The following PDE1A variants were observed in gnomAD, a reference collection of about 807,000 sequenced individuals.
PDE1A encodes phosphodiesterase 1A.
Under a neutral mutation model 61.7 loss-of-function variants are expected in PDE1A, and 35 were observed. That is an observed-to-expected ratio of 0.57 (90% CI 0.43 to 0.75). The LOEUF is 0.75. Among genes scored for constraint, PDE1A ranks in the 30% least tolerant of loss-of-function variants. PDE1A has a pLI of 0.00. For missense variants in PDE1A, 597 were observed against 630.6 expected (o/e 0.95, Z 0.57); for synonymous variants, 232 against 213.2 (o/e 1.09, Z -0.77).
intron 1 of PDE1A, among the ~76,000 whole-genome samples, chr2:182,327,298 C>T (rs1697108012): frequency 6.6e-6 from 1 of 152,020 alleles, no homozygotes; most frequent in Non-Finnish European, 1.5e-5. Context: ...TCATGTGATA[C>T]TGGAGTAGAG....
chr2:182,158,887 A>C (rs971557078), intron 13 of PDE1A, among the ~76,000 whole-genome samples: 1 of 152,218 alleles, frequency 6.6e-6, no homozygotes, highest in Non-Finnish European at 1.5e-5. Context: ...AAAGAACAAA[A>C]TACAGAAATT....
the PDE1A span, among the ~76,000 whole-genome samples, chr2:182,571,671 AAATAAT>A: frequency 6.6e-6 from 1 of 151,558 alleles, no homozygotes; most frequent in Admixed American, 6.6e-5. Context: ...TTATATTTAA[AAATAAT>A]AATAATAATA....
chr2:182,637,056 T>C, the PDE1A span, among the ~76,000 whole-genome samples: 12 of 152,238 alleles, frequency 7.9e-5, no homozygotes, highest in Non-Finnish European at 1.6e-4. Flanking sequence ...TAAAGGCTCA[T>C]GTAATTAAGC....
intron 13 of PDE1A, among the ~76,000 whole-genome samples, chr2:182,178,452 G>A (rs1684468759): frequency 6.6e-6 from 1 of 152,154 alleles, no homozygotes; most frequent in South Asian, 2.1e-4. Flanking sequence ...GGAGAAAAGA[G>A]TTGGAAGATT....
the PDE1A span, among the ~76,000 whole-genome samples, chr2:182,704,244 G>C: frequency 2.0e-5 from 3 of 146,926 alleles, no homozygotes; most frequent in Non-Finnish European, 4.5e-5. Context: ...AAAAACTCAA[G>C]TTTTTTAAAG....
chr2:182,678,337 C>T, the PDE1A span, among the ~76,000 whole-genome samples: 1 of 152,182 alleles, frequency 6.6e-6, no homozygotes, highest in African/African-American at 2.4e-5. Context: ...GCAGCAGAAT[C>T]GTTTGAACCT....
chr2:182,181,961 C>T (rs571291846), intron 13 of PDE1A, among the ~76,000 whole-genome samples: 1 of 152,284 alleles, frequency 6.6e-6, no homozygotes, highest in African/African-American at 2.4e-5. Flanking sequence ...TAAATTTTAA[C>T]AGTTTTATAC....
the PDE1A span, among the ~76,000 whole-genome samples, chr2:182,706,698 A>G: frequency 6.6e-6 from 1 of 152,144 alleles, no homozygotes; most frequent in Non-Finnish European, 1.5e-5. Context: ...CAAAAAACAA[A>G]TCATGGTTCC....
the PDE1A span, among the ~76,000 whole-genome samples, chr2:182,531,556 A>T: frequency 6.6e-6 from 1 of 152,196 alleles, no homozygotes; most frequent in African/African-American, 2.4e-5. Context: ...TTATGCACAT[A>T]AAAATCGAGT....
chr2:182,540,339 G>A, the PDE1A span, among the ~76,000 whole-genome samples: 1 of 147,036 alleles, frequency 6.8e-6, no homozygotes, highest in Admixed American at 6.9e-5. Context: ...CTCCAGCCTG[G>A]GCAACAGAGA....
chr2:182,463,565 G>C (rs932175626), intron 2 of PDE1A: 7 of 152,072 alleles, frequency 4.6e-5, no homozygotes, highest in Non-Finnish European at 4.4e-5. Context: ...AACAAGAATG[G>C]TTACCGTAAG....
chr2:182,152,961 A>G (rs557601271), intron 13 of PDE1A, among the ~76,000 whole-genome samples: 1 of 152,300 alleles, frequency 6.6e-6, no homozygotes, highest in African/African-American at 2.4e-5. Flanking sequence ...GAAATAGGTA[A>G]ATTATGTATT....
chr2:182,206,756 T>C (rs1311179489), intron 7 of PDE1A, among the ~76,000 whole-genome samples: 1 of 152,188 alleles, frequency 6.6e-6, no homozygotes, highest in East Asian at 1.9e-4. Context: ...TGATTGGATC[T>C]TGGGGGCAGA....
At chr2:182,176,268 C>T (rs1288757936) in intron 13 of PDE1A, among the ~76,000 whole-genome samples, 1 of 148,956 alleles carries the variant, frequency 6.7e-6, no homozygotes, top group Non-Finnish European at 1.5e-5. Flanking sequence ...CTGTAAATTA[C>T]CTTGGGCAGT....
intron 1 of PDE1A, among the ~76,000 whole-genome samples, chr2:182,376,615 G>A (rs778326285): frequency 1.3e-5 from 2 of 152,086 alleles, no homozygotes; most frequent in African/African-American, 4.8e-5. Flanking sequence ...TCCAACCTCT[G>A]CCTGTTACCC....
At chr2:182,325,244 C>T (rs1012893806) in intron 1 of PDE1A, among the ~76,000 whole-genome samples, 4 of 152,128 alleles carry the variant, frequency 2.6e-5, no homozygotes, top group Admixed American at 6.6e-5. Flanking sequence ...TACATAGATA[C>T]TTTGTCAACC....
At chr2:182,589,001 C>G in the PDE1A span, among the ~76,000 whole-genome samples, 1 of 149,976 alleles carries the variant, frequency 6.7e-6, no homozygotes, top group South Asian at 2.1e-4. Context: ...CGAGATGGCA[C>G]CATTGCACTC....
chr2:182,251,053 C>T (rs903408078), intron 2 of PDE1A, among the ~76,000 whole-genome samples: 1 of 152,144 alleles, frequency 6.6e-6, no homozygotes, highest in African/African-American at 2.4e-5. Context: ...TGACTCTTGG[C>T]TTCCCACCAG....
chr2:182,679,185 A>T, the PDE1A span, among the ~76,000 whole-genome samples: 452 of 140,946 alleles, frequency 3.2e-3, 1 homozygote, highest in African/African-American at 0.012. Context: ...TATTATTATT[A>T]TTATTATTTT....
Sources: allele counts gnomAD v4.1 joint callset (sites outside exome capture counted in the v4.1 genomes callset), GRCh38; gene constraint gnomAD v4.1.1; transcripts MANE v1.5; gene names NCBI Gene and HGNC (gene_info 2026-07-23, HGNC 2026-07-21).